Variants in RASGRP3 observed in about 807,000 individuals in gnomAD.
The protein encoded by RASGRP3 is ras guanyl-releasing protein 3.
Under a neutral mutation model 82.7 loss-of-function variants are expected in RASGRP3, and 54 were observed. That is an observed-to-expected ratio of 0.65 (90% CI 0.52 to 0.82). The LOEUF (loss-of-function observed/expected upper bound fraction) is 0.82, where lower values mean the gene tolerates loss of function less well. Among genes scored for constraint, RASGRP3 ranks in the 40% least tolerant of loss-of-function variants. The pLI is 0.00. For missense variants in RASGRP3, 861 were observed against 828.9 expected (o/e 1.04, Z -0.48); for synonymous variants, 309 against 300.5 (o/e 1.03, Z -0.29).
intron 2 of RASGRP3, among the ~76,000 whole-genome samples, chr2:33,512,434 C>G (rs1671014121): frequency 6.6e-6 from 1 of 152,132 alleles, no homozygotes; most frequent in African/African-American, 2.4e-5. Context: ...TGAAGGTAAT[C>G]AAACTTGTTA....
chr2:33,489,294 C>A (rs749168007), intron 1 of RASGRP3, among the ~76,000 whole-genome samples: 12 of 152,182 alleles, frequency 7.9e-5, no homozygotes, highest in Non-Finnish European at 1.6e-4. Flanking sequence ...GAGTTACATG[C>A]AACATTTTTG....
intron 4 of RASGRP3, 107 bp downstream of exon 4, chr2:33,516,751 G>C: frequency 1.3e-6 from 1 of 754,284 alleles, no homozygotes; most frequent in South Asian, 1.9e-5. Flanking sequence ...ATAGTCTTTG[G>C]TTATCCAGCT....
intron 2 of RASGRP3, among the ~76,000 whole-genome samples, chr2:33,514,637 A>T (rs1335604596): frequency 6.6e-6 from 1 of 151,930 alleles, no homozygotes; most frequent in Admixed American, 6.6e-5. Context: ...GTGAGCCGAG[A>T]TCGCACTACT....
At chr2:33,476,017 T>G (rs1388757853), upstream of RASGRP3, among the ~76,000 whole-genome samples, 1 of 152,214 alleles carries the variant, frequency 6.6e-6, no homozygotes, top group Non-Finnish European at 1.5e-5. Context: ...CTGCCTTTGA[T>G]AGTCTTCATT....
intron 1 of RASGRP3, among the ~76,000 whole-genome samples, chr2:33,485,048 A>G (rs1239287836): frequency 6.6e-6 from 1 of 152,136 alleles, no homozygotes; most frequent in African/African-American, 2.4e-5. Context: ...AAAATACAAA[A>G]TTAGCCAAGT....
intron 9 of RASGRP3, 122 bp from the exon 10 acceptor site, chr2:33,527,015 A>C: frequency 9.8e-7 from 1 of 1,018,246 alleles, no homozygotes. Flanking sequence ...TCCCTGCAGC[A>C]ACATTGGTGC....
intron 10 of RASGRP3, among the ~76,000 whole-genome samples, chr2:33,528,758 G>A (rs1031441420): frequency 2.6e-5 from 4 of 152,266 alleles, no homozygotes; most frequent in Non-Finnish European, 5.9e-5. Flanking sequence ...TTCAAATAAA[G>A]CAGAAGTGGC....
intron 1 of RASGRP3, among the ~76,000 whole-genome samples, chr2:33,445,510 C>T (rs1163948155): frequency 6.6e-6 from 1 of 152,090 alleles, no homozygotes. Context: ...TTTCTTGGCC[C>T]TCTGAATTCA....
chr2:33,478,019 G>A (rs1051091095), intron 1 of RASGRP3, among the ~76,000 whole-genome samples: 8 of 152,128 alleles, frequency 5.3e-5, no homozygotes, highest in African/African-American at 2.4e-5. Context: ...CCTGCCATGA[G>A]GGAACACTGT....
chr2:33,478,453 G>A (rs548037020), intron 1 of RASGRP3, among the ~76,000 whole-genome samples: 4 of 152,226 alleles, frequency 2.6e-5, no homozygotes, highest in African/African-American at 9.6e-5. Flanking sequence ...TCCACAGGTT[G>A]ATAGTGGAAG....
At chr2:33,475,595 G>T (rs1295512326), upstream of RASGRP3, among the ~76,000 whole-genome samples, 3 of 152,138 alleles carry the variant, frequency 2.0e-5, no homozygotes, top group African/African-American at 7.2e-5. Flanking sequence ...TGAAGGGCAG[G>T]CTCAGACACT....
At chr2:33,561,606 A>G (rs140278751) in intron 17 of RASGRP3, among the ~76,000 whole-genome samples, 86 of 152,270 alleles carry the variant, frequency 5.6e-4, no homozygotes, top group African/African-American at 1.9e-3. Context: ...GGAGTTTGCA[A>G]ATTTAAGATT....
chr2:33,523,919 A>G lies in RASGRP3; in HGVS notation c.557A>G (p.Glu186Gly). Residue 186 changes from glutamate (E) to glycine (G), a missense_variant, in exon 8 of 18, where the codon GAG becomes GGG. Glu to Gly is a moderately conservative substitution (Grantham distance 98). Transcript: ENST00000403687. Reference sequence around the variant, plus strand: ...AGCTATGTCATCCATGGCTGCCTGGAGAATAATCCAACCTTGGAAAGATCG... The same window carrying G: ...AGCTATGTCATCCATGGCTGCCTGGGGAATAATCCAACCTTGGAAAGATCG... ...YQSYVIHGCL[E>G]NNPTLERSIA... 6.2e-7 allele frequency: 1 copy of G among 1,613,710 alleles called. No homozygotes were observed. The highest frequency in any genetic ancestry group is 8.5e-7 in the Non-Finnish European group (1 of 1,179,704).
At chr2:33,528,780 AAC>A (rs1672817990) in intron 10 of RASGRP3, among the ~76,000 whole-genome samples, 1 of 152,210 alleles carries the variant, frequency 6.6e-6, no homozygotes, top group South Asian at 2.1e-4. Flanking sequence ...AACACACAGA[AAC>A]ACAGATCTCT....
intron 5 of RASGRP3, among the ~76,000 whole-genome samples, 160 bp downstream of exon 5, chr2:33,520,174 G>T (rs1347297950): frequency 1.3e-5 from 2 of 152,142 alleles, no homozygotes; most frequent in African/African-American, 4.8e-5. Flanking sequence ...TGGGTGGGGT[G>T]GGGGGAACTA....
In RASGRP3 at chr2:33,552,747, C is replaced by CTTGTAGATGTAGTAG. The variant is rs1433321194; in HGVS notation, c.1543-2782_1543-2781insGTAGATGTAGTAGTT. Among the ~76,000 whole-genome samples the CTTGTAGATGTAGTAG allele has an allele frequency of 2.7e-3, 415 of 152,140 alleles. 3 individuals are homozygous for CTTGTAGATGTAGTAG. Among genetic ancestry groups the CTTGTAGATGTAGTAG allele is most frequent in the African/African-American group, 9.8e-3 (406 of 41,514 alleles). On this transcript the variant is annotated intron_variant, in intron 14 of 17. Coordinates refer to ENST00000403687, the MANE Select transcript of RASGRP3 (RefSeq NM_001139488.2). ...GAACTGAAAGAGTGTTAGTAATTCC[C>CTTGTAGATGTAGTAG]TTATTTTGTAGATGAAGAAACTGAG...
chr2:33,497,826 CTA>C (rs1224498710), intron 1 of RASGRP3, among the ~76,000 whole-genome samples: 1 of 152,090 alleles, frequency 6.6e-6, no homozygotes, highest in African/African-American at 2.4e-5. Context: ...TAGTTTTAAT[CTA>C]CCAAAATAAT....
intron 2 of RASGRP3, among the ~76,000 whole-genome samples, chr2:33,459,716 G>A (rs1025189945): frequency 1.3e-5 from 2 of 152,108 alleles, no homozygotes; most frequent in African/African-American, 4.8e-5. Flanking sequence ...ATTACAAAGG[G>A]TTGATCAGTA....
intron 1 of RASGRP3, among the ~76,000 whole-genome samples, chr2:33,437,814 G>C (rs1438612991): frequency 6.6e-6 from 1 of 151,672 alleles, no homozygotes; most frequent in East Asian, 1.9e-4. Flanking sequence ...TTTCTTAGCT[G>C]AACTTAAGTG....
Sources: allele counts gnomAD v4.1 joint callset (sites outside exome capture counted in the v4.1 genomes callset), GRCh38; gene constraint gnomAD v4.1.1; transcripts MANE v1.5; gene names NCBI Gene and HGNC (gene_info 2026-07-23, HGNC 2026-07-21).